The following NRTN variants were observed in gnomAD, a reference collection of about 807,000 sequenced individuals.
NRTN encodes neurturin.
Under a neutral mutation model 7.5 loss-of-function variants are expected in NRTN, and 3 were observed. The observed-to-expected ratio is 0.40, with a 90% CI of 0.18 to 1.03. NRTN has a LOEUF of 1.03. NRTN is among the 50% of genes least tolerant of loss of function. NRTN has a pLI of 0.34. For missense variants in NRTN, 310 were observed against 307.0 expected (o/e 1.01, Z -0.07); for synonymous variants, 157 against 146.6 (o/e 1.07, Z -0.51).
chr19:5,805,084 G>A lies in NRTN; in HGVS notation c.-766G>A, dbSNP rs2056970842. On this transcript the variant is annotated 5_prime_UTR_variant, in exon 1 of 3. Transcript: ENST00000303212. ...GGACGGGCGGAGGCGGCGGGAGAGC[G>A]CGCCCTGAAGCCGCTCCGAGTGCCC... 6.8e-6 allele frequency among the ~76,000 whole-genome samples: 1 copy of A among 146,132 alleles called. No individual in the cohort carries two copies. Among genetic ancestry groups the A allele is most frequent in the Non-Finnish European group, 1.5e-5 (1 of 65,768 alleles).
At chr19:5,820,057 G>A (rs1032395187) in intron 1 of NRTN, among the ~76,000 whole-genome samples, 3 of 151,496 alleles carry the variant, frequency 2.0e-5, no homozygotes, top group Non-Finnish European at 4.4e-5. Context: ...ACAAGGTCAG[G>A]AGATCGAGAC....
chr19:5,824,276 G>A lies in NRTN; in HGVS notation c.111G>A (p.Leu37=), dbSNP rs747941867. The part of the protein sequence containing the change: ...LLLSHRLGPA[L]VPLHRLPRTL... ...TCAGCCACCGCCTCGGACCTGCGCT[G>A]GTCCCCCTGCACCGCCTGCCTCGAA... Residue 37 remains leucine, a synonymous_variant, in exon 2 of 3, where the codon CTG becomes CTA. Transcript: ENST00000303212. 7 of 1,610,454 alleles carry A rather than the reference G, an allele frequency of 4.3e-6. No individual in the cohort carries two copies. The Admixed American group carries it at 1.2e-4, about 27-fold the overall frequency.
rs763114276 is a variant in NRTN at position 5,827,956 on chromosome 19, T to C, written c.377T>C (p.Leu126Pro). 3 of 1,489,204 alleles carry C rather than the reference T, an allele frequency of 2.0e-6. No homozygotes were observed. The South Asian group carries it at 3.8e-5, about 19-fold the overall frequency. 92.2% of individuals were successfully genotyped at this position (1,489,204 alleles called of 1,614,324 possible). A position where few individuals can be genotyped will look rare whatever the true frequency, so the allele number is the denominator to read the frequency against. ...GGCTACGCGTCCGACGAGACGGTGC[T>C]GTTCCGCTACTGCGCAGGCGCCTGC... Reference protein sequence around the residue: ...GLGYASDETVLFRYCAGACEA... With the variant: ...GLGYASDETVPFRYCAGACEA... The change falls in exon 3 of 3, where the codon CTG becomes CCG. Residue 126 changes from leucine (L) to proline (P), a missense_variant. Physicochemically the swap from Leu to Pro is moderately conservative, Grantham distance 98. Coordinates refer to ENST00000303212, the MANE Select transcript of NRTN (RefSeq NM_004558.5).
In NRTN at chr19:5,806,933, G is replaced by A. The variant is rs1393374030; in HGVS notation, c.-399+1482G>A. On this transcript the variant is annotated intron_variant, in intron 1 of 2. Coordinates refer to ENST00000303212, the MANE Select transcript of NRTN (RefSeq NM_004558.5). This position sits in a 1 kb window ranked among gnomAD's most constrained non-coding sequence, Gnocchi z 5.4. ...ACAAATGTGTGTCGATGGCAACCGC[G>A]TGGTTGACTGGTGTCAGGGTTGTTG... is the stretch of plus-strand genomic sequence containing the variant. Among the ~76,000 whole-genome samples, 1 of 152,178 alleles carries A rather than the reference G, an allele frequency of 6.6e-6. No individual in the cohort carries two copies. Among genetic ancestry groups the A allele is most frequent in the African/African-American group, 2.4e-5 (1 of 41,442 alleles).
chr19:5,813,745 C>T (rs1167276998), intron 1 of NRTN, among the ~76,000 whole-genome samples: 3 of 151,396 alleles, frequency 2.0e-5, no homozygotes, highest in Non-Finnish European at 4.4e-5. Context: ...GAGGCTGAGA[C>T]AGGAGAATCG....
chr19:5,828,314 T>C lies in NRTN; in HGVS notation c.*141T>C. ...GCGATAACTGTACTGAGATAAAGTGTGGCAACTCGAGCTGGCTGGTGATTC... is the reference window on the plus strand; with the variant it reads ...GCGATAACTGTACTGAGATAAAGTGCGGCAACTCGAGCTGGCTGGTGATTC... On this transcript the variant is annotated 3_prime_UTR_variant, in exon 3 of 3. Coordinates refer to ENST00000303212, the MANE Select transcript of NRTN (RefSeq NM_004558.5). 1 of 951,398 alleles carries C rather than the reference T, an allele frequency of 1.1e-6. No homozygotes were observed. Among genetic ancestry groups the C allele is most frequent in the Non-Finnish European group, 1.5e-6 (1 of 681,932 alleles). 58.9% of individuals were successfully genotyped at this position (951,398 alleles called of 1,614,324 possible).
intron 1 of NRTN, among the ~76,000 whole-genome samples, chr19:5,820,819 G>A (rs117126030): frequency 0.015 from 2,148 of 146,236 alleles, 25 homozygotes; most frequent in Middle Eastern, 0.061. Flanking sequence ...GCTGCCATCC[G>A]CTTCTGCAAA....
intron 1 of NRTN, among the ~76,000 whole-genome samples, chr19:5,822,815 A>G (rs2057030120): frequency 6.6e-6 from 1 of 152,106 alleles, no homozygotes; most frequent in African/African-American, 2.4e-5. Flanking sequence ...AGCCTGGGCA[A>G]CGTTGTGAGA....
chr19:5,817,137 G>C lies in NRTN; in HGVS notation c.-398-6631G>C, dbSNP rs914653151. ...GGATTGCTTGAGGCCAAGAGTTTGAGACCGCCTGAGCAACACAGTGAAACC... is the reference window on the plus strand; with the variant it reads ...GGATTGCTTGAGGCCAAGAGTTTGACACCGCCTGAGCAACACAGTGAAACC... On this transcript the variant is annotated intron_variant, in intron 1 of 2. Coordinates refer to ENST00000303212, the MANE Select transcript of NRTN (RefSeq NM_004558.5). Among the ~76,000 whole-genome samples, 5 of 151,906 alleles carry C rather than the reference G, an allele frequency of 3.3e-5. No individual in the cohort carries two copies. The East Asian group carries it at 9.7e-4, about 29-fold the overall frequency.
At chr19:5,815,492 C>T (rs181862395) in intron 1 of NRTN, among the ~76,000 whole-genome samples, 61 of 140,192 alleles carry the variant, frequency 4.4e-4, no homozygotes, top group Admixed American at 4.3e-3. Context: ...AGTACAGTGG[C>T]GCGATCTCGG....
chr19:5,806,363 G>A lies in NRTN; in HGVS notation c.-399+912G>A, dbSNP rs2056975175. Among the ~76,000 whole-genome samples, 1 of 152,112 alleles carries A rather than the reference G, an allele frequency of 6.6e-6. No homozygotes were observed. The highest frequency in any genetic ancestry group is 1.5e-5 in the Non-Finnish European group (1 of 68,014). ...CATTGGTCCAGATTTGGGGAGTGGGGCCAGGGGCTTAAAGCAGGGGGGTGC... is the reference window on the plus strand; with the variant it reads ...CATTGGTCCAGATTTGGGGAGTGGGACCAGGGGCTTAAAGCAGGGGGGTGC... On this transcript the variant is annotated intron_variant, in intron 1 of 2. Transcript: ENST00000303212. This position sits in a 1 kb window ranked among gnomAD's most constrained non-coding sequence, Gnocchi z 5.4.
At position 5,820,735 on chromosome 19, in the gene NRTN, C is replaced by CAAAAAAAAAAAAAAAA. The variant is rs1332878144; in HGVS notation, c.-398-3031_-398-3030insAAAAAAAAAAAAAAAA. 1.9e-4 allele frequency among the ~76,000 whole-genome samples: 12 copies of CAAAAAAAAAAAAAAAA among 62,138 alleles called. 3 individuals carry two copies. The highest frequency in any genetic ancestry group is 1.2e-3 in the Admixed American group (5 of 4,108). The allele number at this position is 62,138 out of a possible 152,430, so 40.8% of individuals were successfully genotyped here. ...TGGGCAACAGAGTGAAACTCTGTCT[C>CAAAAAAAAAAAAAAAA]AAGAAAAAAAAAAAAAAAAAAAAAA... is the stretch of plus-strand genomic sequence containing the variant. On this transcript the variant is annotated intron_variant, in intron 1 of 2. Coordinates refer to ENST00000303212, the MANE Select transcript of NRTN (RefSeq NM_004558.5).
At chr19:5,812,476 CT>C (rs2056993310) in intron 1 of NRTN, among the ~76,000 whole-genome samples, 1 of 152,216 alleles carries the variant, frequency 6.6e-6, no homozygotes, top group Non-Finnish European at 1.5e-5. Context: ...TCTGCACCCC[CT>C]GACACATGAA....
intron 1 of NRTN, among the ~76,000 whole-genome samples, chr19:5,807,386 C>T (rs984405206): frequency 1.3e-5 from 2 of 152,172 alleles, no homozygotes; most frequent in African/African-American, 4.8e-5. Context: ...GATGCATCTC[C>T]CTGGTCCTCC....
Position 5,828,163 on chromosome 19 carries a change from C to T in NRTN, c.584C>T (p.Ala195Val). 1 of 1,530,426 alleles carries T rather than the reference C, an allele frequency of 6.5e-7. No individual in the cohort carries two copies. The highest frequency in any genetic ancestry group is 1.2e-5 in the South Asian group (1 of 83,686). 94.8% of individuals were successfully genotyped at this position (1,530,426 alleles called of 1,614,324 possible). ...CACGAGCTGTCGGCGCGCGAGTGCG[C>T]CTGCGTGTGACCCTACCTCACTCGG... ...TVHELSAREC[A>V]CV The change falls in exon 3 of 3, where the codon GCC becomes GTC. Residue 195 changes from alanine to valine, a missense_variant. Physicochemically the swap from Ala to Val is moderately conservative, Grantham distance 64. Transcript: ENST00000303212.
chr19:5,821,503 A>G (rs991904058), intron 1 of NRTN, among the ~76,000 whole-genome samples: 1 of 151,826 alleles, frequency 6.6e-6, no homozygotes, highest in African/African-American at 2.4e-5. Context: ...GGGTTTCACC[A>G]TATTGGCCAG....
At chr19:5,827,019 T>C (rs892152714) in intron 2 of NRTN, among the ~76,000 whole-genome samples, 1 of 151,868 alleles carries the variant, frequency 6.6e-6, no homozygotes, top group Admixed American at 6.6e-5. Context: ...CTCCATGGAG[T>C]GGGGTCCCCA....
intron 1 of NRTN, among the ~76,000 whole-genome samples, chr19:5,813,328 A>G (rs1336518550): frequency 2.0e-5 from 3 of 151,580 alleles, no homozygotes; most frequent in Non-Finnish European, 4.4e-5. Flanking sequence ...TGAAGTGAGG[A>G]GTTTGAGACC....
chr19:5,807,191 A>T (rs1197167782), intron 1 of NRTN, among the ~76,000 whole-genome samples: 1 of 152,172 alleles, frequency 6.6e-6, no homozygotes, highest in African/African-American at 2.4e-5. Context: ...TAGTCAAGGC[A>T]CCTTGGTGAG....
Sources: gnomAD v4.1 joint callset for allele counts (sites outside exome capture counted in the v4.1 genomes callset) on GRCh38, gnomAD v4.1.1 for gene constraint, Gnocchi (gnomAD v3.1) non-coding constraint, MANE v1.5 for transcripts, NCBI Gene and HGNC (gene_info 2026-07-23, HGNC 2026-07-21) for gene names.